The following COL13A1 variants were observed in gnomAD, a reference collection of about 807,000 sequenced individuals.
The protein encoded by COL13A1 is collagen alpha-1(XIII) chain.
A neutral mutation model predicts 130.9 loss-of-function variants in COL13A1; 89 were observed. That is an observed-to-expected ratio of 0.68 (90% CI 0.57 to 0.81). COL13A1 has a LOEUF of 0.81. Among genes scored for constraint, COL13A1 ranks in the 30% least tolerant of loss-of-function variants. COL13A1 has a pLI of 0.00. For synonymous variants in COL13A1, 402 were observed against 341.6 expected (o/e 1.18, Z -1.95); for missense variants, 879 against 934.6 (o/e 0.94, Z 0.78).
chr10:69,809,278 C>T (rs527968843), intron 1 of COL13A1, among the ~76,000 whole-genome samples: 12 of 152,194 alleles, frequency 7.9e-5, no homozygotes, highest in Non-Finnish European at 1.3e-4. Context: ...CCATTGCCAC[C>T]TCGCTCATCA....
At chr10:69,868,513 A>G (rs568068637) in intron 3 of COL13A1, among the ~76,000 whole-genome samples, 9 of 152,316 alleles carry the variant, frequency 5.9e-5, no homozygotes, top group Admixed American at 5.9e-4. Flanking sequence ...AGAGAACAGG[A>G]GCACCTGCCT....
chr10:69,919,825 G>A lies in COL13A1; in HGVS notation c.1089+98G>A, dbSNP rs563786518. 19 of 398,280 alleles carry A rather than the reference G, an allele frequency of 4.8e-5. No homozygotes were observed. In the South Asian group the frequency reaches 1.4e-3, roughly 30 times the overall value. The allele number at this position is 398,280 out of a possible 1,614,324, so 24.7% of individuals were successfully genotyped here. A position where few individuals can be genotyped will look rare whatever the true frequency, so the allele number is the denominator to read the frequency against. On this transcript the variant is annotated intron_variant, in intron 21 of 40. Coordinates refer to ENST00000645393, the MANE Select transcript of COL13A1 (RefSeq NM_001368882.1). ...CCATGGCTGGTGTGTCGCCTGCAGC[G>A]TGCTGTTGGTGCATGTGTTCCGAGA...
intron 2 of COL13A1, among the ~76,000 whole-genome samples, chr10:69,852,465 G>A (rs749133785): frequency 1.3e-5 from 2 of 152,264 alleles, no homozygotes; most frequent in Non-Finnish European, 2.9e-5. Flanking sequence ...CTAAAGCTCA[G>A]AGGTGGACTT....
At chr10:69,805,331 G>A (rs1841263580) in intron 1 of COL13A1, among the ~76,000 whole-genome samples, 1 of 152,130 alleles carries the variant, frequency 6.6e-6, no homozygotes, top group South Asian at 2.1e-4. Context: ...GGGTCAGAGA[G>A]GGGTGACTGG....
intron 2 of COL13A1, among the ~76,000 whole-genome samples, chr10:69,859,680 G>A (rs1480661481): frequency 6.6e-6 from 1 of 152,142 alleles, no homozygotes; most frequent in African/African-American, 2.4e-5. Flanking sequence ...GGCTGGGGCT[G>A]GAGGTCAAGG....
At chr10:69,953,744 G>A (rs1035400452) in intron 39 of COL13A1, among the ~76,000 whole-genome samples, 1 of 152,236 alleles carries the variant, frequency 6.6e-6, no homozygotes, top group Admixed American at 6.5e-5. Flanking sequence ...CAGGTTGTAT[G>A]TGTGCAAAGC....
At chr10:69,941,050 C>CA in intron 35 of COL13A1, 27 bp downstream of exon 35, 2 of 1,613,770 alleles carry the variant, frequency 1.2e-6, no homozygotes, top group Non-Finnish European at 1.7e-6. Context: ...CATCACCCCT[C>CA]ACCCCACTCC....
intron 5 of COL13A1, among the ~76,000 whole-genome samples, chr10:69,877,131 C>T (rs2059645229): frequency 6.6e-6 from 1 of 152,192 alleles, no homozygotes; most frequent in African/African-American, 2.4e-5. Flanking sequence ...ATTTGGCTGC[C>T]CATTAGGGGT....
intron 2 of COL13A1, among the ~76,000 whole-genome samples, chr10:69,835,711 C>T (rs780822382): frequency 2.0e-5 from 3 of 152,156 alleles, no homozygotes; most frequent in Non-Finnish European, 2.9e-5. Context: ...AAGGCAAATG[C>T]CCCCCAGGGA....
chr10:69,930,316 G>A, intron 29 of COL13A1, 84 bp from the exon 30 acceptor site: 1 of 1,307,318 alleles, frequency 7.6e-7, no homozygotes, highest in Non-Finnish European at 1.0e-6. Context: ...AAGAGCCAAG[G>A]CCTTTGGACT....
chr10:69,880,600 T>C, intron 7 of COL13A1, 47 bp downstream of exon 7: 1 of 1,600,702 alleles, frequency 6.2e-7, no homozygotes, highest in Non-Finnish European at 8.5e-7. Flanking sequence ...GATGGGTGAG[T>C]TGATGAAAAG....
At chr10:69,830,948 T>C (rs1848680367) in intron 2 of COL13A1, among the ~76,000 whole-genome samples, 1 of 152,184 alleles carries the variant, frequency 6.6e-6, no homozygotes, top group Non-Finnish European at 1.5e-5. Context: ...CTACTCTCCA[T>C]CTTTATGGAT....
chr10:69,880,532 C>T lies in COL13A1; in HGVS notation c.492C>T (p.Ile164=), dbSNP rs1564932423. 2 of 1,613,562 alleles carry T rather than the reference C, an allele frequency of 1.2e-6. No individual in the cohort carries two copies. Among genetic ancestry groups the T allele is most frequent in the Non-Finnish European group, 8.5e-7 (1 of 1,179,706 alleles). ...CCCCCGGAGACGCTGGGCTGTCCAT[C>T]ATTGGTCCCCGCGGCCCCCCTGTAA... ...KGSPGDAGLS[I]IGPRGPPGQP... The change falls in exon 7 of 41, where the codon ATC becomes ATT. Residue 164 remains isoleucine, a synonymous_variant. Coordinates refer to ENST00000645393, the MANE Select transcript of COL13A1 (RefSeq NM_001368882.1).
intron 6 of COL13A1, 45 bp from the exon 7 acceptor site, chr10:69,880,458 C>T (rs1233609762): frequency 4.5e-6 from 5 of 1,107,492 alleles, no homozygotes; most frequent in Admixed American, 1.7e-5. Flanking sequence ...CTTCTCCATA[C>T]CTCCCTGCCC....
At chr10:69,872,127 A>AACAGT in intron 3 of COL13A1, 57 bp from the exon 4 acceptor site, 1 of 1,608,154 alleles carries the variant, frequency 6.2e-7, no homozygotes, top group Non-Finnish European at 8.5e-7. Context: ...GACAGTGTTC[A>AACAGT]ACAGTTAGGT....
rs766253460 is a variant in COL13A1 at position 69,802,689 on chromosome 10, T to G, written c.266T>G (p.Leu89Trp). Residue 89 changes from leucine (L) to tryptophan (W), a missense_variant, in exon 1 of 41, where the codon TTG becomes TGG. Physicochemically the swap from Leu to Trp is moderately conservative, Grantham distance 61. Around this residue, in one of 3 missense-constraint regions of COL13A1, gnomAD observed 715 missense variants for 721.0 expected, o/e 0.99. Coordinates refer to ENST00000645393, the MANE Select transcript of COL13A1 (RefSeq NM_001368882.1). ...RGEQQMETAILGRVNQLLDEK... is the reference protein window; with the variant it reads ...RGEQQMETAIWGRVNQLLDEK... ...GAGCAGCAAATGGAGACGGCTATTT[T>G]GGGACGAGTCAATCAACTGCTGGAC... is the stretch of plus-strand genomic sequence containing the variant. The G allele has an allele frequency of 2.5e-6, 4 of 1,612,760 alleles. No individual in the cohort carries two copies. The South Asian group carries it at 4.4e-5, about 18-fold the overall frequency.
rs183512048 is a variant in COL13A1 at position 69,920,557 on chromosome 10, T to C, written c.1089+830T>C. 4.5e-4 allele frequency among the ~76,000 whole-genome samples: 69 copies of C among 152,212 alleles called. No homozygotes were observed. In the East Asian group the frequency reaches 8.9e-3, roughly 20 times the overall value. ...CGAGGCCCTAATCCAATAGGATTGG[T>C]GGCCCTAGAAGAAGGGGAAGAAAGA... On this transcript the variant is annotated intron_variant, in intron 21 of 40. Coordinates refer to ENST00000645393, the MANE Select transcript of COL13A1 (RefSeq NM_001368882.1).
At chr10:69,885,661 G>A (rs770286007) in intron 7 of COL13A1, among the ~76,000 whole-genome samples, 2 of 152,192 alleles carry the variant, frequency 1.3e-5, no homozygotes, top group Non-Finnish European at 2.9e-5. Context: ...CTAGCGGGAT[G>A]GAAGATGTTT....
chr10:69,930,134 C>A, intron 29 of COL13A1, 47 bp downstream of exon 29: 1 of 1,597,776 alleles, frequency 6.3e-7, no homozygotes, highest in Non-Finnish European at 8.6e-7. Context: ...CAGTCTTGGC[C>A]CTGGGGGCAG....
Sources: allele counts gnomAD v4.1 joint callset (sites outside exome capture counted in the v4.1 genomes callset), GRCh38; gene constraint gnomAD v4.1.1; regional missense constraint gnomAD v4.1.1; transcripts MANE v1.5; gene names NCBI Gene and HGNC (gene_info 2026-07-23, HGNC 2026-07-21).